DSCAM: variants seen among roughly 807,000 people sequenced by gnomAD.
The protein encoded by DSCAM is cell adhesion molecule DSCAM.
Under a neutral mutation model 217.7 loss-of-function variants are expected in DSCAM, and 47 were observed. The ratio of observed to expected loss-of-function variants is 0.22; its 90% confidence interval spans 0.17 to 0.28. The LOEUF is 0.28. Ranked by LOEUF, DSCAM falls within the 10% of genes least tolerant of loss-of-function variation. DSCAM has a pLI of 1.00. For synonymous variants in DSCAM, 1,056 were observed against 1,015.3 expected (o/e 1.04, Z -0.76); for missense variants, 2,080 against 2,618.3 (o/e 0.79, Z 4.49).
chr21:40,139,744 G>T (rs1174494996), intron 18 of DSCAM, among the ~76,000 whole-genome samples: 1 of 151,600 alleles, frequency 6.6e-6, no homozygotes, highest in Middle Eastern at 3.2e-3. Context: ...GTGTATGAGG[G>T]GTGTGTGTCA....
chr21:40,765,215 C>A (rs2091375983), intron 1 of DSCAM, among the ~76,000 whole-genome samples: 2 of 152,288 alleles, frequency 1.3e-5, no homozygotes, highest in South Asian at 4.1e-4. Flanking sequence ...ACTTTCCTAA[C>A]CAATGTCATT....
At chr21:40,576,663 T>C (rs1185517182) in intron 3 of DSCAM, among the ~76,000 whole-genome samples, 1 of 152,020 alleles carries the variant, frequency 6.6e-6, no homozygotes. Context: ...ACCTGCAACA[T>C]CTAAAATCAA....
chr21:40,047,418 G>A (rs118115936), intron 30 of DSCAM, among the ~76,000 whole-genome samples: 23 of 152,158 alleles, frequency 1.5e-4, no homozygotes, highest in African/African-American at 5.1e-4. Context: ...AATAAAACTC[G>A]GTGATTAAGC....
At chr21:40,262,918 G>A (rs1390771539) in intron 11 of DSCAM, among the ~76,000 whole-genome samples, 2 of 152,190 alleles carry the variant, frequency 1.3e-5, no homozygotes, top group Non-Finnish European at 2.9e-5. Context: ...GCACCTTGGA[G>A]CTTTCTTGCC....
intron 15 of DSCAM, among the ~76,000 whole-genome samples, chr21:40,172,505 G>A (rs146307306): frequency 2.9e-4 from 44 of 152,288 alleles, no homozygotes; most frequent in East Asian, 3.9e-4. Context: ...TCCTGGCTAC[G>A]CTGTCTCTGC....
chr21:40,053,297 C>T (rs1002756479), intron 29 of DSCAM, among the ~76,000 whole-genome samples: 1 of 152,256 alleles, frequency 6.6e-6, no homozygotes, highest in Non-Finnish European at 1.5e-5. Context: ...GTTGGCACCA[C>T]AGCAGGCGCC....
intron 32 of DSCAM, among the ~76,000 whole-genome samples, chr21:40,032,855 CCTTTTT>C (rs903010429): frequency 1.1e-4 from 16 of 152,288 alleles, no homozygotes; most frequent in African/African-American, 3.6e-4. Flanking sequence ...GATGAAAGTT[CCTTTTT>C]ATGTGTCCGC....
chr21:40,811,610 A>G (rs771559431), intron 1 of DSCAM, among the ~76,000 whole-genome samples: 1 of 152,236 alleles, frequency 6.6e-6, no homozygotes, highest in Non-Finnish European at 1.5e-5. Flanking sequence ...CTGGAGAAGC[A>G]GATAAAGGCA....
intron 4 of DSCAM, among the ~76,000 whole-genome samples, chr21:40,366,708 A>G (rs2837580): frequency 0.084 from 12,825 of 152,108 alleles, 1,218 homozygotes; most frequent in African/African-American, 0.24. Flanking sequence ...TTAGTTAATT[A>G]GGAGAAGGTT....
At chr21:40,617,053 G>C (rs1466399221) in intron 3 of DSCAM, among the ~76,000 whole-genome samples, 2 of 140,946 alleles carry the variant, frequency 1.4e-5, no homozygotes, top group African/African-American at 5.2e-5. Flanking sequence ...TGAGACACCA[G>C]AAATAGACTC....
intron 26 of DSCAM, among the ~76,000 whole-genome samples, chr21:40,077,512 CTG>C (rs1410755463): frequency 1.3e-5 from 2 of 152,206 alleles, no homozygotes; most frequent in Non-Finnish European, 2.9e-5. Flanking sequence ...ATGGCATAAA[CTG>C]TGCTCCAAGG....
At chr21:40,161,638 A>AG (rs1555885024) in intron 16 of DSCAM, among the ~76,000 whole-genome samples, 23 of 152,014 alleles carry the variant, frequency 1.5e-4, no homozygotes, top group Non-Finnish European at 1.5e-4. Context: ...AGATTTTGAA[A>AG]TTTTTTTTTC....
chr21:40,455,415 A>G (rs931336362), intron 3 of DSCAM, among the ~76,000 whole-genome samples: 4 of 152,214 alleles, frequency 2.6e-5, no homozygotes, highest in African/African-American at 9.6e-5. Flanking sequence ...ACTGATTGCC[A>G]TATTGTAATC....
At chr21:40,301,628 T>G (rs2074016979) in intron 9 of DSCAM, among the ~76,000 whole-genome samples, 2 of 152,238 alleles carry the variant, frequency 1.3e-5, no homozygotes, top group East Asian at 1.9e-4. Flanking sequence ...TATTGCTGTT[T>G]AACAGTCTGT....
chr21:40,375,123 TC>T (rs932814136), intron 3 of DSCAM, among the ~76,000 whole-genome samples: 4 of 152,220 alleles, frequency 2.6e-5, no homozygotes, highest in African/African-American at 7.2e-5. Flanking sequence ...TTCTTGTCCA[TC>T]ATATTTTATC....
At chr21:40,791,593 C>T (rs542283396) in intron 1 of DSCAM, among the ~76,000 whole-genome samples, 1 of 152,256 alleles carries the variant, frequency 6.6e-6, no homozygotes, top group Admixed American at 6.5e-5. Context: ...GTGGAGCTTG[C>T]AGTGAGCCGA....
At chr21:40,687,484 T>C (rs1328717890) in intron 3 of DSCAM, among the ~76,000 whole-genome samples, 7 of 152,092 alleles carry the variant, frequency 4.6e-5, no homozygotes, top group African/African-American at 1.7e-4. Flanking sequence ...ACTTCTATAG[T>C]CAAGAGTGCA....
intron 5 of DSCAM, among the ~76,000 whole-genome samples, chr21:40,350,963 G>A (rs1319671669): frequency 7.2e-6 from 1 of 138,754 alleles, no homozygotes; most frequent in Non-Finnish European, 1.5e-5. Flanking sequence ...ATCATACAGA[G>A]GAGTTTCTGT....
chr21:40,632,555 G>A (rs896647346), intron 3 of DSCAM, among the ~76,000 whole-genome samples: 23 of 152,166 alleles, frequency 1.5e-4, no homozygotes, highest in Non-Finnish European at 3.1e-4. Context: ...GTGCTCCATA[G>A]TAAATGCTGG....
Sources: gnomAD v4.1 joint callset for allele counts (sites outside exome capture counted in the v4.1 genomes callset) on GRCh38, gnomAD v4.1.1 for gene constraint, MANE v1.5 for transcripts, NCBI Gene and HGNC (gene_info 2026-07-23, HGNC 2026-07-21) for gene names.